CEP295: variants seen among roughly 807,000 people sequenced by gnomAD.
CEP295 encodes centrosomal protein 295, also known as centrosomal protein of 295 kDa.
CEP295 carries 190 observed loss-of-function variants against 291.6 expected under a neutral mutation model. That is an observed-to-expected ratio of 0.65 (90% CI 0.58 to 0.73). The LOEUF is 0.73. Ranked by LOEUF, CEP295 falls within the 30% of genes least tolerant of loss-of-function variation. CEP295 has a pLI of 0.00. For synonymous variants in CEP295, 993 were observed against 1,038.8 expected (o/e 0.96, Z 0.85); for missense variants, 2,863 against 2,949.4 (o/e 0.97, Z 0.68).
At position 93,698,718 on chromosome 11, in the gene CEP295, A is replaced by C. The variant is rs887283728; in HGVS notation, c.3806A>C (p.Glu1269Ala). The C allele has an allele frequency of 2.6e-6, 4 of 1,551,510 alleles. No homozygotes were observed. The highest frequency in any genetic ancestry group is 2.6e-6 in the Non-Finnish European group (3 of 1,147,054). ...CAAGCATGGCTAGACACTGAGAAAG[A>C]AGCCTTTCATTTCAGCCAGAAAACC... is the stretch of plus-strand genomic sequence containing the variant. ...EHQAWLDTEK[E>A]AFHFSQKTQE... The change falls in exon 15 of 30, where the codon GAA becomes GCA. Residue 1269 changes from glutamate to alanine, a missense_variant. By Grantham distance (107) the Glu-to-Ala change is moderately radical. Around this residue, in one of 3 missense-constraint regions of CEP295, gnomAD observed 2,295 missense variants for 2,335.7 expected, o/e 0.98. Transcript: ENST00000325212.
chr11:93,703,945 A>T (rs1370144400), intron 17 of CEP295, among the ~76,000 whole-genome samples: 1 of 151,580 alleles, frequency 6.6e-6, no homozygotes, highest in Non-Finnish European at 1.5e-5. Context: ...ATTTTTTTAT[A>T]TTTTTAGTAG....
At position 93,687,713 on chromosome 11, in the gene CEP295, G is replaced by A. The variant is rs966426263; in HGVS notation, c.1184G>A (p.Arg395Gln). The change falls in exon 10 of 30, where the codon CGA becomes CAA. Residue 395 changes from arginine (R) to glutamine (Q), a missense_variant. Around this residue, in one of 3 missense-constraint regions of CEP295, gnomAD observed 554 missense variants for 576.0 expected, o/e 0.96. Coordinates refer to ENST00000325212, the MANE Select transcript of CEP295 (RefSeq NM_033395.2). ...TTTAAAAAATTATTAAATAAGATCCGAAGCCAAAAATCTCTCTGGACAATT... is the reference window on the plus strand; with the variant it reads ...TTTAAAAAATTATTAAATAAGATCCAAAGCCAAAAATCTCTCTGGACAATT... ...VLFKKLLNKI[R>Q]SQKSLWTIKS... The A allele has an allele frequency of 1.4e-5, 21 of 1,548,140 alleles. No homozygotes were observed. Among genetic ancestry groups the A allele is most frequent in the East Asian group, 1.2e-4 (5 of 40,866 alleles).
At chr11:93,683,013 A>G (rs189485494) in intron 7 of CEP295, among the ~76,000 whole-genome samples, 2 of 152,334 alleles carry the variant, frequency 1.3e-5, no homozygotes, top group African/African-American at 4.8e-5. Context: ...TTAAACTTTC[A>G]TATTAGCCAT....
chr11:93,664,507 G>C (rs1950124292), intron 1 of CEP295, among the ~76,000 whole-genome samples: 1 of 152,324 alleles, frequency 6.6e-6, no homozygotes, highest in East Asian at 1.9e-4. Flanking sequence ...TGCATTAAAA[G>C]ATTTTTTTAA....
intron 18 of CEP295, among the ~76,000 whole-genome samples, chr11:93,709,223 G>A (rs1444773233): frequency 6.6e-6 from 1 of 152,158 alleles, no homozygotes; most frequent in Non-Finnish European, 1.5e-5. Context: ...CCTTTGCCCA[G>A]ACCAGTGACC....
intron 17 of CEP295, among the ~76,000 whole-genome samples, chr11:93,703,854 C>T (rs1016604985): frequency 3.9e-4 from 59 of 150,850 alleles, no homozygotes; most frequent in African/African-American, 1.4e-3. Flanking sequence ...CTGCAAGCTC[C>T]GCCTCCCAGG....
At chr11:93,717,527 G>A (rs947828218) in intron 18 of CEP295, among the ~76,000 whole-genome samples, 3 of 152,180 alleles carry the variant, frequency 2.0e-5, no homozygotes, top group Non-Finnish European at 4.4e-5. Context: ...AGTATTGGAT[G>A]TTGTCAGGAA....
chr11:93,690,952 G>A (rs1384466956), intron 10 of CEP295, among the ~76,000 whole-genome samples: 1 of 152,008 alleles, frequency 6.6e-6, no homozygotes, highest in Admixed American at 6.6e-5. Context: ...TTACCTGGCT[G>A]GTTCTTCCTT....
chr11:93,729,400 A>G (rs1565229475), intron 25 of CEP295, 34 bp from the exon 26 acceptor site: 2 of 1,441,624 alleles, frequency 1.4e-6, no homozygotes, highest in Admixed American at 3.9e-5. Context: ...AAAGCGTTTA[A>G]AAAGAGTAAA....
chr11:93,680,841 T>C (rs1473752566), intron 7 of CEP295, among the ~76,000 whole-genome samples: 1 of 152,230 alleles, frequency 6.6e-6, no homozygotes, highest in Non-Finnish European at 1.5e-5. Flanking sequence ...TTGGATTTTT[T>C]AAATACCCAT....
intron 18 of CEP295, 31 bp from the exon 19 acceptor site, chr11:93,721,281 C>A (rs750748362): frequency 7.9e-7 from 1 of 1,270,138 alleles, no homozygotes; most frequent in East Asian, 2.5e-5. Flanking sequence ...ATATTTTTCT[C>A]CCATCTTGAA....
intron 8 of CEP295, 75 bp from the exon 9 acceptor site, chr11:93,683,889 G>T: frequency 6.7e-7 from 1 of 1,483,978 alleles, no homozygotes; most frequent in Admixed American, 2.4e-5. Context: ...CATTACCGTG[G>T]CCTTTGCATT....
Position 93,728,681 on chromosome 11 carries a change from G to C in CEP295, c.7162G>C (p.Glu2388Gln), listed in dbSNP as rs1191738626. The C allele has an allele frequency of 6.5e-6, 10 of 1,528,710 alleles. No individual in the cohort carries two copies. The highest frequency in any genetic ancestry group is 7.9e-6 in the Non-Finnish European group (9 of 1,139,958). 94.7% of individuals were successfully genotyped at this position (1,528,710 alleles called of 1,614,324 possible). Residue 2388 changes from glutamate (E) to glutamine (Q), a missense_variant and splice_region_variant, in exon 25 of 30, where the codon GAA becomes CAA. Glu to Gln is a conservative substitution (Grantham distance 29, BLOSUM62 2). Around this residue, in one of 3 missense-constraint regions of CEP295, gnomAD observed 2,295 missense variants for 2,335.7 expected, o/e 0.98. Transcript: ENST00000325212. The part of the protein sequence containing the change: ...FSLQSSIPVW[E>Q]TETGHGIMEE... ...TTTTCCTTTTAATTGTGGTTCACAGGAAACAGAAACTGGCCATGGTATAAT... is the reference window on the plus strand; with the variant it reads ...TTTTCCTTTTAATTGTGGTTCACAGCAAACAGAAACTGGCCATGGTATAAT...
intron 7 of CEP295, among the ~76,000 whole-genome samples, chr11:93,682,632 G>A (rs1057134643): frequency 3.3e-5 from 5 of 151,904 alleles, no homozygotes; most frequent in African/African-American, 9.7e-5. Context: ...TGCTAATAGA[G>A]GATTTCATTT....
At chr11:93,687,621 T>G in intron 9 of CEP295, 23 bp from the exon 10 acceptor site, 3 of 1,346,432 alleles carry the variant, frequency 2.2e-6, no homozygotes, top group Non-Finnish European at 3.1e-6. Flanking sequence ...TAAATAAGTT[T>G]TTTCCCTTTT....
rs1951892032 is a variant in CEP295, at chr11:93,697,309, TGTTAAA to T, written c.2401_2406del (p.Lys801_Val802del). 6.4e-7 allele frequency: 1 copy of T among 1,551,634 alleles called. No individual in the cohort carries two copies. The highest frequency in any genetic ancestry group is 1.4e-5 in the African/African-American group (1 of 73,046). ...CTCAGCATTCTTTTAGTTCTCTGCCTGTTAAAGTTGAGTCAGGAAAAATTCAAGAAC... is the reference window on the plus strand; with the variant it reads ...CTCAGCATTCTTTTAGTTCTCTGCCTGTTGAGTCAGGAAAAATTCAAGAAC... On this transcript the variant is annotated inframe_deletion, in exon 15 of 30. Transcript: ENST00000325212.
At position 93,723,164 on chromosome 11, in the gene CEP295, C is replaced by T; in HGVS notation, c.6071C>T (p.Ser2024Leu). ...GATATTTATCAGCGGCAGAACTCTT[C>T]AGACGTTCATAAATCTCTGTTGCCT... ...TQDIYQRQNS[S>L]DVHKSLLPAV... The change falls in exon 21 of 30, where the codon TCA becomes TTA. Residue 2024 changes from serine (S) to leucine (L), a missense_variant. This residue lies in a region of CEP295 where 2,295 missense variants were observed against 2,335.7 expected (regional missense o/e 0.98). Coordinates refer to ENST00000325212, the MANE Select transcript of CEP295 (RefSeq NM_033395.2). The T allele has an allele frequency of 1.3e-6, 2 of 1,552,082 alleles. No homozygotes were observed. Among genetic ancestry groups the T allele is most frequent in the Non-Finnish European group, 1.7e-6 (2 of 1,147,054 alleles).
At position 93,697,736 on chromosome 11, in the gene CEP295, C is replaced by G. The variant is rs1252950858; in HGVS notation, c.2824C>G (p.Pro942Ala). 1 of 1,551,532 alleles carries G rather than the reference C, an allele frequency of 6.4e-7. No homozygotes were observed. Among genetic ancestry groups the G allele is most frequent in the Non-Finnish European group, 8.7e-7 (1 of 1,146,986 alleles). ...LQDKRLSLSQ[P>A]ILSQQNNFKF... is the part of the protein sequence containing the mutation. The stretch of plus-strand genomic sequence containing the variant: ...GGATAAGCGTTTGAGTCTTTCACAG[C>G]CTATCCTATCACAGCAAAATAATTT... Residue 942 changes from proline to alanine, a missense_variant, in exon 15 of 30, where the codon CCT becomes GCT. Physicochemically the swap from Pro to Ala is conservative, Grantham distance 27 (BLOSUM62 -1). Coordinates refer to ENST00000325212, the MANE Select transcript of CEP295 (RefSeq NM_033395.2).
intron 29 of CEP295, 36 bp downstream of exon 29, chr11:93,730,184 A>T: frequency 6.4e-7 from 1 of 1,551,042 alleles, no homozygotes; most frequent in Non-Finnish European, 8.7e-7. Context: ...TTAATTTTTC[A>T]AGCATGAAGT....
Sources: gnomAD v4.1 joint callset for allele counts (sites outside exome capture counted in the v4.1 genomes callset) on GRCh38, gnomAD v4.1.1 for gene constraint, gnomAD v4.1.1 regional missense constraint, MANE v1.5 for transcripts, NCBI Gene and HGNC (gene_info 2026-07-23, HGNC 2026-07-21) for gene names.